Variants in SLC24A3 observed in about 807,000 individuals in gnomAD.
SLC24A3 encodes solute carrier family 24 member 3, also known as sodium/potassium/calcium exchanger 3.
A neutral mutation model predicts 75.8 loss-of-function variants in SLC24A3; 28 were observed. The ratio of observed to expected loss-of-function variants is 0.37; its 90% CI spans 0.27 to 0.51. SLC24A3 has a LOEUF of 0.51. Among genes scored for constraint, SLC24A3 ranks in the 20% least tolerant of loss-of-function variants. The pLI is 0.94. For missense variants in SLC24A3, 663 were observed against 847.8 expected, an observed-to-expected ratio of 0.78 and a Z score of 2.71; for synonymous variants, 372 against 334.1, an observed-to-expected ratio of 1.11 and a Z score of -1.24.
intron 16 of SLC24A3, 71 bp from the exon 17 acceptor site, chr20:19,720,920 G>C: frequency 1.3e-6 from 2 of 1,579,784 alleles, no homozygotes. Context: ...GGTCCCCTGG[G>C]TTCCCCTACC....
At chr20:19,473,691 G>C (rs144874062) in intron 2 of SLC24A3, among the ~76,000 whole-genome samples, 2,039 of 152,316 alleles carry the variant, frequency 0.013, 24 homozygotes, top group Middle Eastern at 0.027. Context: ...GGTCTGTGTA[G>C]TTCATACCAG....
At chr20:19,363,669 C>A (rs1027046812) in intron 2 of SLC24A3, among the ~76,000 whole-genome samples, 1 of 152,200 alleles carries the variant, frequency 6.6e-6, no homozygotes, top group African/African-American at 2.4e-5. Context: ...AGAACACACA[C>A]CCTCGTGTGG....
At chr20:19,715,605 G>C (rs892779637) in intron 15 of SLC24A3, among the ~76,000 whole-genome samples, 1 of 152,070 alleles carries the variant, frequency 6.6e-6, no homozygotes, top group African/African-American at 2.4e-5. Flanking sequence ...TCACAGAAAG[G>C]GTTGGCTGTT....
intron 9 of SLC24A3, among the ~76,000 whole-genome samples, chr20:19,681,286 T>C (rs2032612769): frequency 6.6e-6 from 1 of 152,194 alleles, no homozygotes; most frequent in African/African-American, 2.4e-5. Context: ...TTAGGCACGA[T>C]AGTCATAGAA....
chr20:19,634,974 A>G (rs1312477659), intron 6 of SLC24A3, among the ~76,000 whole-genome samples: 1 of 152,236 alleles, frequency 6.6e-6, no homozygotes, highest in Non-Finnish European at 1.5e-5. Flanking sequence ...ATGTTTAGGA[A>G]AAAGATATTT....
intron 3 of SLC24A3, among the ~76,000 whole-genome samples, chr20:19,518,760 A>G (rs947414509): frequency 6.6e-6 from 1 of 152,204 alleles, no homozygotes; most frequent in Non-Finnish European, 1.5e-5. Context: ...GTGCTGCATT[A>G]GCTCAGGCTT....
chr20:19,417,497 C>G (rs1393235623), intron 2 of SLC24A3, among the ~76,000 whole-genome samples: 1 of 152,140 alleles, frequency 6.6e-6, no homozygotes, highest in African/African-American at 2.4e-5. Flanking sequence ...CAGTGGGATC[C>G]CTGCTTCTGC....
intron 16 of SLC24A3, among the ~76,000 whole-genome samples, chr20:19,720,580 G>T (rs2033094068): frequency 6.6e-6 from 1 of 152,052 alleles, no homozygotes; most frequent in African/African-American, 2.4e-5. Context: ...GCCGTAGGAA[G>T]AGATGCAGCC....
chr20:19,696,644 G>C, intron 13 of SLC24A3, 153 bp from the exon 14 acceptor site: 1 of 548,692 alleles, frequency 1.8e-6, no homozygotes, highest in Non-Finnish European at 3.3e-6. Context: ...TCCACATAGT[G>C]TTTGTCACCC....
At chr20:19,223,673 G>A (rs759785616) in intron 1 of SLC24A3, among the ~76,000 whole-genome samples, 8 of 151,974 alleles carry the variant, frequency 5.3e-5, no homozygotes, top group South Asian at 2.1e-4. Flanking sequence ...GAATGTGGTC[G>A]CTCCTTCTCT....
intron 4 of SLC24A3, among the ~76,000 whole-genome samples, chr20:19,582,102 ACAT>A (rs1425343477): frequency 6.6e-6 from 1 of 152,238 alleles, no homozygotes; most frequent in African/African-American, 2.4e-5. Flanking sequence ...GTCAGAGCTC[ACAT>A]ATATTTAGAG....
intron 1 of SLC24A3, among the ~76,000 whole-genome samples, chr20:19,259,650 C>T (rs559075887): frequency 6.6e-6 from 1 of 152,290 alleles, no homozygotes; most frequent in Admixed American, 6.5e-5. Flanking sequence ...TTATCACCCT[C>T]AGATACTACA....
chr20:19,501,649 C>T (rs1988386800), intron 2 of SLC24A3, among the ~76,000 whole-genome samples: 1 of 152,232 alleles, frequency 6.6e-6, no homozygotes, highest in Non-Finnish European at 1.5e-5. Context: ...TGGGGCATCA[C>T]CTGTCAGAGA....
intron 3 of SLC24A3, among the ~76,000 whole-genome samples, chr20:19,562,264 A>C (rs1008366029): frequency 6.6e-6 from 1 of 152,148 alleles, no homozygotes; most frequent in Non-Finnish European, 1.5e-5. Context: ...CAATGAGAAT[A>C]TCTCACATTG....
At chr20:19,635,281 A>G (rs2031986498) in intron 6 of SLC24A3, among the ~76,000 whole-genome samples, 1 of 152,214 alleles carries the variant, frequency 6.6e-6, no homozygotes, top group Admixed American at 6.5e-5. Context: ...ATGTGGTTGT[A>G]TTGATCCAGA....
chr20:19,245,324 A>C (rs1982455352), intron 1 of SLC24A3, among the ~76,000 whole-genome samples: 1 of 152,194 alleles, frequency 6.6e-6, no homozygotes, highest in Admixed American at 6.5e-5. Context: ...TGAAATTCTC[A>C]GTAGAAATGA....
At chr20:19,301,355 CT>C (rs1450205996) in intron 2 of SLC24A3, among the ~76,000 whole-genome samples, 3 of 152,184 alleles carry the variant, frequency 2.0e-5, no homozygotes, top group East Asian at 3.9e-4. Flanking sequence ...TTCAGCTCCT[CT>C]TAAGACCGTA....
intron 1 of SLC24A3, among the ~76,000 whole-genome samples, chr20:19,241,446 C>T (rs1470938050): frequency 6.6e-6 from 1 of 152,184 alleles, no homozygotes. Flanking sequence ...ATGGCCTGGC[C>T]GTTTTCAGGC....
At chr20:19,658,638 C>T (rs1363551938) in intron 7 of SLC24A3, among the ~76,000 whole-genome samples, 1 of 152,158 alleles carries the variant, frequency 6.6e-6, no homozygotes, top group Non-Finnish European at 1.5e-5. Context: ...GGTGACATTC[C>T]GTACTTTGAA....
Sources: gnomAD v4.1 joint callset for allele counts (sites outside exome capture counted in the v4.1 genomes callset) on GRCh38, gnomAD v4.1.1 for gene constraint, MANE v1.5 for transcripts, NCBI Gene and HGNC (gene_info 2026-07-23, HGNC 2026-07-21) for gene names.